CNTN1: variants seen among roughly 807,000 people sequenced by gnomAD.
The protein encoded by CNTN1 is contactin 1, also known as contactin-1.
Under a neutral mutation model 126.4 loss-of-function variants are expected in CNTN1, and 38 were observed. The ratio of observed to expected loss-of-function variants is 0.30; its 90% CI spans 0.23 to 0.39. CNTN1 has a LOEUF of 0.39. CNTN1 is among the 10% of genes least tolerant of loss of function. The pLI, the probability that CNTN1 is intolerant of heterozygous loss-of-function variation, is 1.00. For synonymous variants in CNTN1, 413 were observed against 422.6 expected (o/e 0.98, Z 0.28); for missense variants, 1,009 against 1,248.4 (o/e 0.81, Z 2.89).
At chr12:40,950,443 T>C (rs569924329) in intron 14 of CNTN1, among the ~76,000 whole-genome samples, 1 of 152,258 alleles carries the variant, frequency 6.6e-6, no homozygotes, top group Non-Finnish European at 1.5e-5. Context: ...GGATGGGTTT[T>C]ATGTGCTTCT....
chr12:40,837,466 T>G (rs1442752763), intron 1 of CNTN1, among the ~76,000 whole-genome samples: 1 of 152,176 alleles, frequency 6.6e-6, no homozygotes, highest in Non-Finnish European at 1.5e-5. Flanking sequence ...AACCCCTTAT[T>G]ATTCTCAACC....
chr12:40,813,619 A>G (rs766734599), intron 1 of CNTN1, among the ~76,000 whole-genome samples: 7 of 152,116 alleles, frequency 4.6e-5, no homozygotes, highest in Admixed American at 6.6e-5. Flanking sequence ...GTGGGTTCCA[A>G]GTCTTTGCTA....
Position 41,016,885 on chromosome 12 carries a change from C to A in CNTN1, c.2388C>A (p.Ser796Arg). Reference sequence around the variant, plus strand: ...ACAACAAAGGAGATGGACCTTACAGCCTAGTAGCAGTCATTAATTCAGCAC... The same window carrying A: ...ACAACAAAGGAGATGGACCTTACAGACTAGTAGCAGTCATTAATTCAGCAC... ...AFNNKGDGPY[S>R]LVAVINSAQD... The change falls in exon 19 of 24, where the codon AGC (serine) becomes AGA (arginine). Residue 796 changes from serine to arginine, a missense_variant. Transcript: ENST00000551295. 6.2e-7 allele frequency: 1 copy of A among 1,614,000 alleles called. No homozygotes were observed. The highest frequency in any genetic ancestry group is 8.5e-7 in the Non-Finnish European group (1 of 1,179,940).
chr12:41,036,853 A>G (rs1192269065), intron 23 of CNTN1, among the ~76,000 whole-genome samples: 1 of 152,218 alleles, frequency 6.6e-6, no homozygotes, highest in African/African-American at 2.4e-5. Context: ...ATACTTGCCA[A>G]ACTGTCATCT....
At chr12:40,988,807 T>C (rs77226898) in intron 16 of CNTN1, among the ~76,000 whole-genome samples, 42 of 152,164 alleles carry the variant, frequency 2.8e-4, no homozygotes, top group African/African-American at 8.9e-4. Flanking sequence ...GAACTACCCA[T>C]TTAATACACA....
At chr12:40,768,286 G>T (rs1019462288) in intron 1 of CNTN1, among the ~76,000 whole-genome samples, 2 of 152,298 alleles carry the variant, frequency 1.3e-5, no homozygotes, top group South Asian at 2.1e-4. Flanking sequence ...AGCTGGTAAG[G>T]GTTGAGGGGC....
chr12:40,877,948 T>C (rs1040076685), intron 1 of CNTN1, among the ~76,000 whole-genome samples: 8 of 151,132 alleles, frequency 5.3e-5, no homozygotes, highest in African/African-American at 1.7e-4. Context: ...CATCCTGCTA[T>C]CTTCACCTCT....
At chr12:40,804,238 G>A (rs1342673703) in intron 1 of CNTN1, among the ~76,000 whole-genome samples, 1 of 151,874 alleles carries the variant, frequency 6.6e-6, no homozygotes, top group African/African-American at 2.4e-5. Flanking sequence ...GAATATAACA[G>A]TAATAATATT....
At chr12:41,058,658 C>T (rs889978415) in intron 23 of CNTN1, among the ~76,000 whole-genome samples, 9 of 151,812 alleles carry the variant, frequency 5.9e-5, no homozygotes, top group South Asian at 2.1e-4. Context: ...CACCATGAAA[C>T]TATGACTAAG....
chr12:40,718,682 T>G (rs1184527424), intron 1 of CNTN1, among the ~76,000 whole-genome samples: 1 of 152,194 alleles, frequency 6.6e-6, no homozygotes, highest in East Asian at 1.9e-4. Flanking sequence ...CACATGGCAC[T>G]GTGAGGTAGA....
intron 1 of CNTN1, among the ~76,000 whole-genome samples, chr12:40,743,240 G>A (rs1204369978): frequency 3.3e-5 from 5 of 152,018 alleles, no homozygotes; most frequent in African/African-American, 7.2e-5. Flanking sequence ...GGTGTGGGGC[G>A]GGAGTGACAA....
At chr12:41,023,020 C>T (rs978422439) in intron 20 of CNTN1, among the ~76,000 whole-genome samples, 4 of 151,674 alleles carry the variant, frequency 2.6e-5, no homozygotes, top group Non-Finnish European at 2.9e-5. Flanking sequence ...TGACTGTGGC[C>T]GGTAGGGGGG....
intron 15 of CNTN1, among the ~76,000 whole-genome samples, chr12:40,980,255 A>T (rs2120366040): frequency 6.6e-6 from 1 of 152,188 alleles, no homozygotes; most frequent in Non-Finnish European, 1.5e-5. Flanking sequence ...CAACACGGTG[A>T]AACCCAGTCT....
intron 15 of CNTN1, among the ~76,000 whole-genome samples, chr12:40,962,843 T>A: frequency 6.6e-6 from 1 of 152,168 alleles, no homozygotes; most frequent in East Asian, 1.9e-4. Context: ...TTCACTTTTC[T>A]TTTCCAAAGT....
chr12:40,751,753 A>G (rs1160612532), intron 1 of CNTN1, among the ~76,000 whole-genome samples: 1 of 152,092 alleles, frequency 6.6e-6, no homozygotes, highest in Non-Finnish European at 1.5e-5. Context: ...TTAAGGAAAG[A>G]ATCCTGCAGA....
At chr12:40,991,378 AG>A (rs1948090987) in intron 16 of CNTN1, among the ~76,000 whole-genome samples, 1 of 150,386 alleles carries the variant, frequency 6.6e-6, no homozygotes, top group Admixed American at 6.6e-5. Context: ...CCTTAATTTG[AG>A]GGTCTGCCAA....
intron 1 of CNTN1, among the ~76,000 whole-genome samples, chr12:40,698,228 A>AT (rs35570862): frequency 0.022 from 1,506 of 69,834 alleles, 81 homozygotes; most frequent in Non-Finnish European, 0.026. Context: ...CAGCCACTTA[A>AT]TTTTTTTTTT....
chr12:40,865,030 T>C (rs1943251005), intron 1 of CNTN1, among the ~76,000 whole-genome samples: 2 of 152,162 alleles, frequency 1.3e-5, no homozygotes, highest in South Asian at 4.1e-4. Context: ...AAAGCCATCA[T>C]AGTGGGTGTG....
Position 40,949,476 on chromosome 12 carries a change from C to T in CNTN1, c.1683+5306C>T, listed in dbSNP as rs1189766024. ...GAGTGTGATATTCCCCTTCCTGTGT[C>T]CATGTGATCTCATTGTTCAATATTT... On this transcript the variant is annotated intron_variant, in intron 14 of 23. Transcript: ENST00000551295. Among the ~76,000 whole-genome samples the T allele has an allele frequency of 4.3e-5, 6 of 138,404 alleles. No homozygotes were observed. In the South Asian group the frequency reaches 7.2e-4, roughly 17 times the overall value. The allele number at this position is 138,404 out of a possible 152,430, so 90.8% of individuals were successfully genotyped here.
Sources: allele counts gnomAD v4.1 joint callset (sites outside exome capture counted in the v4.1 genomes callset), GRCh38; gene constraint gnomAD v4.1.1; transcripts MANE v1.5; gene names NCBI Gene and HGNC (gene_info 2026-07-23, HGNC 2026-07-21).